The following ANKIB1 variants were observed in gnomAD, a reference collection of about 807,000 sequenced individuals.
The protein encoded by ANKIB1 is ankyrin repeat and IBR domain-containing protein 1.
Under a neutral mutation model 122.1 loss-of-function variants are expected in ANKIB1, and 43 were observed. The ratio of observed to expected loss-of-function variants is 0.35; its 90% confidence interval spans 0.28 to 0.45. ANKIB1 has a LOEUF of 0.45. Ranked by LOEUF, ANKIB1 falls within the 20% of genes least tolerant of loss-of-function variation. ANKIB1 has a pLI of 1.00. For missense variants in ANKIB1, 992 were observed against 1,329.5 expected, an observed-to-expected ratio of 0.75 and a Z score of 3.95; for synonymous variants, 390 against 442.0, an observed-to-expected ratio of 0.88 and a Z score of 1.48.
In ANKIB1 at chr7:92,386,616, G is replaced by A; in HGVS notation, c.1725G>A (p.Glu575=). Residue 575 remains glutamate (E), a synonymous_variant, in exon 12 of 20, where the codon GAG becomes GAA. Transcript: ENST00000265742. ...CTRYEVIQHV[E]EQSKEMTVEA... is the part of the protein sequence containing the mutation. ...GCTATGAAGTCATTCAACACGTGGA[G>A]GAGCAATCCAAGGAAATGACTGTGG... 6.2e-7 allele frequency: 1 copy of A among 1,603,500 alleles called. No individual in the cohort carries two copies. Among genetic ancestry groups the A allele is most frequent in the South Asian group, 1.1e-5 (1 of 88,694 alleles).
At chr7:92,372,880 G>C (rs1330545484) in intron 11 of ANKIB1, among the ~76,000 whole-genome samples, 1 of 151,900 alleles carries the variant, frequency 6.6e-6, no homozygotes, top group Non-Finnish European at 1.5e-5. Flanking sequence ...TTATTGAGAG[G>C]AAAGTGTATT....
chr7:92,316,764 A>G (rs1802801438), intron 3 of ANKIB1, among the ~76,000 whole-genome samples: 1 of 152,150 alleles, frequency 6.6e-6, no homozygotes, highest in Non-Finnish European at 1.5e-5. Flanking sequence ...AATGAAGTCC[A>G]CATTCTGGCA....
chr7:92,340,886 C>T (rs1180402642), intron 5 of ANKIB1, among the ~76,000 whole-genome samples: 1 of 152,174 alleles, frequency 6.6e-6, no homozygotes, highest in Admixed American at 6.5e-5. Context: ...TTGAATACAT[C>T]CATTGTGAAG....
chr7:92,346,621 G>C (rs894604880), intron 7 of ANKIB1, among the ~76,000 whole-genome samples: 1 of 152,194 alleles, frequency 6.6e-6, no homozygotes, highest in Non-Finnish European at 1.5e-5. Flanking sequence ...ACAATCCAAA[G>C]CTATCCTTAA....
At chr7:92,307,716 A>G in intron 3 of ANKIB1, 60 bp downstream of exon 3, 1 of 1,263,768 alleles carries the variant, frequency 7.9e-7, no homozygotes. Context: ...GTGATATGTA[A>G]CTGTCAGGTT....
rs1407487457 is a variant in ANKIB1, at chr7:92,333,304, T to C, written c.787+5404T>C. On this transcript the variant is annotated intron_variant, in intron 5 of 19. Transcript: ENST00000265742. ...ATGACTGAGCCCCTGCCTGTTTCTC[T>C]AGCCTTATCTCATACAGTGCTTCCC... 2.0e-5 allele frequency among the ~76,000 whole-genome samples: 3 copies of C among 152,360 alleles called. No homozygotes were observed. The East Asian group carries it at 5.8e-4, about 29-fold the overall frequency.
At position 92,319,454 on chromosome 7, in the gene ANKIB1, C is replaced by T. The variant is rs754332725; in HGVS notation, c.611C>T (p.Ser204Leu). ...ALNLESQMVF[S>L]RDPEAEEIEA... The stretch of plus-strand genomic sequence containing the variant: ...AATCTGGAATCTCAAATGGTATTCT[C>T]ACGGGATCCCGAGGCTGAAGAAATA... The change falls in exon 4 of 20, where the codon TCA becomes TTA. Residue 204 changes from serine (S) to leucine (L), a missense_variant. Physicochemically the swap from Ser to Leu is moderately radical, Grantham distance 145. Coordinates refer to ENST00000265742, the MANE Select transcript of ANKIB1 (RefSeq NM_019004.2). 3 of 1,613,436 alleles carry T rather than the reference C, an allele frequency of 1.9e-6. No individual in the cohort carries two copies. The highest frequency in any genetic ancestry group is 1.1e-5 in the South Asian group (1 of 90,976).
At chr7:92,358,551 TC>T (rs1676073741) in intron 9 of ANKIB1, among the ~76,000 whole-genome samples, 1 of 151,144 alleles carries the variant, frequency 6.6e-6, no homozygotes, top group Admixed American at 6.6e-5. Context: ...TTTTTTTTTT[TC>T]AGACTTTATT....
chr7:92,363,997 C>G lies in ANKIB1; in HGVS notation c.1486+1724C>G, dbSNP rs540054620. On this transcript the variant is annotated intron_variant, in intron 10 of 19. Transcript: ENST00000265742. ...CCTGATTAAACATTCTTGTCCTGTT[C>G]ATGCACCGTTTAGTCAACAGATTTT... Among the ~76,000 whole-genome samples, 11 of 152,238 alleles carry G rather than the reference C, an allele frequency of 7.2e-5. No homozygotes were observed. The South Asian group carries it at 2.1e-3, about 29-fold the overall frequency.
chr7:92,288,583 T>C (rs1338435853), intron 1 of ANKIB1, among the ~76,000 whole-genome samples: 1 of 152,200 alleles, frequency 6.6e-6, no homozygotes, highest in African/African-American at 2.4e-5. Flanking sequence ...CAAAACACCT[T>C]ATATACAAAT....
intron 12 of ANKIB1, among the ~76,000 whole-genome samples, 162 bp downstream of exon 12, chr7:92,386,805 TTTTTCCCTTTTACA>T (rs1562799868): frequency 6.6e-6 from 1 of 152,180 alleles, no homozygotes; most frequent in African/African-American, 2.4e-5. Flanking sequence ...ACTTGAGAGC[TTTTTCCCTTTTACA>T]TTTTCCTTTT....
At chr7:92,387,376 T>A (rs1804679791) in intron 12 of ANKIB1, among the ~76,000 whole-genome samples, 1 of 152,124 alleles carries the variant, frequency 6.6e-6, no homozygotes, top group South Asian at 2.1e-4. Flanking sequence ...GGCTCATGCT[T>A]TTAATCCCAG....
intron 5 of ANKIB1, among the ~76,000 whole-genome samples, chr7:92,335,588 G>A (rs555730990): frequency 6.6e-6 from 1 of 151,860 alleles, no homozygotes; most frequent in Non-Finnish European, 1.5e-5. Context: ...TTATAATTAT[G>A]TCTTTCTGAC....
rs528472169 is a variant in ANKIB1 at position 92,398,833 on chromosome 7, G to C, written c.3154G>C (p.Ala1052Pro). Reference sequence around the variant, plus strand: ...AGAAAATATTCTGGCGGGGGAAGCAGCATCTCAAGCTGGTGACAGTGGTAA... The same window carrying C: ...AGAAAATATTCTGGCGGGGGAAGCACCATCTCAAGCTGGTGACAGTGGTAA... Reference protein sequence around the residue: ...LEENILAGEAASQAGDSGNEA... With the variant: ...LEENILAGEAPSQAGDSGNEA... The change falls in exon 20 of 20, where the codon GCA becomes CCA. Residue 1052 changes from alanine (A) to proline (P), a missense_variant. Coordinates refer to ENST00000265742, the MANE Select transcript of ANKIB1 (RefSeq NM_019004.2). The C allele has an allele frequency of 8.1e-6, 13 of 1,604,450 alleles. No homozygotes were observed. The highest frequency in any genetic ancestry group is 1.3e-5 in the African/African-American group (1 of 74,842).
At chr7:92,277,288 G>A (rs149089897) in intron 1 of ANKIB1, among the ~76,000 whole-genome samples, 112 of 152,298 alleles carry the variant, frequency 7.4e-4, no homozygotes, top group African/African-American at 2.4e-3. Flanking sequence ...ATTCACAATT[G>A]TTAGGATACT....
intron 1 of ANKIB1, among the ~76,000 whole-genome samples, chr7:92,258,952 T>G (rs543681083): frequency 8.1e-5 from 12 of 147,574 alleles, no homozygotes; most frequent in Admixed American, 6.0e-4. Flanking sequence ...TTTTTTGTTT[T>G]GTTTTGTTTT....
In ANKIB1 at chr7:92,253,623, T is replaced by C. The variant is rs573214699; in HGVS notation, c.-91+7104T>C. 3.3e-5 allele frequency among the ~76,000 whole-genome samples: 5 copies of C among 150,736 alleles called. No homozygotes were observed. The South Asian group carries it at 6.2e-4, about 19-fold the overall frequency. On this transcript the variant is annotated intron_variant, in intron 1 of 19. Coordinates refer to ENST00000265742, the MANE Select transcript of ANKIB1 (RefSeq NM_019004.2). ...ACATATATGTGATAGAATATACACA[T>C]AGTTTCCCCAGACACAAATGGTAAC...
At chr7:92,347,260 C>T (rs1306216958) in intron 7 of ANKIB1, among the ~76,000 whole-genome samples, 1 of 151,716 alleles carries the variant, frequency 6.6e-6, no homozygotes, top group Non-Finnish European at 1.5e-5. Flanking sequence ...CATAAACTTT[C>T]TTAGAACATT....
At chr7:92,390,145 G>T (rs77370033) in intron 15 of ANKIB1, 29 bp downstream of exon 15, 1 of 1,487,020 alleles carries the variant, frequency 6.7e-7, no homozygotes, top group Non-Finnish European at 9.0e-7. Flanking sequence ...CATTTAAATG[G>T]CAGCAGTTAT....
Sources: allele counts gnomAD v4.1 joint callset (sites outside exome capture counted in the v4.1 genomes callset), GRCh38; gene constraint gnomAD v4.1.1; transcripts MANE v1.5; gene names NCBI Gene and HGNC (gene_info 2026-07-23, HGNC 2026-07-21).